SYNJ2: variants seen among roughly 807,000 people sequenced by gnomAD.
SYNJ2 encodes the protein synaptojanin 2.
In SYNJ2, 116 loss-of-function variants were observed where a neutral mutation model predicts 141.3. The ratio of observed to expected loss-of-function variants is 0.82; its 90% CI spans 0.71 to 0.96. The LOEUF (loss-of-function observed/expected upper bound fraction) is 0.96, where lower values mean the gene tolerates loss of function less well. Among genes scored for constraint, SYNJ2 ranks in the 40% least tolerant of loss-of-function variants. The probability of loss-of-function intolerance (pLI) is 0.00; values close to 1 mark genes in which losing one functional copy is unlikely to be tolerated. For synonymous variants in SYNJ2, 745 were observed against 777.7 expected, an observed-to-expected ratio of 0.96 and a Z score of 0.70; for missense variants, 1,873 against 1,934.8, an observed-to-expected ratio of 0.97 and a Z score of 0.60.
chr6:157,996,881 G>A (rs766674702), intron 1 of SYNJ2, among the ~76,000 whole-genome samples: 2 of 152,148 alleles, frequency 1.3e-5, no homozygotes, highest in Non-Finnish European at 2.9e-5. Flanking sequence ...CATGCTTCCC[G>A]TATAGCCTAC....
chr6:158,023,434 C>T (rs947669953), intron 2 of SYNJ2, among the ~76,000 whole-genome samples: 1 of 152,084 alleles, frequency 6.6e-6, no homozygotes, highest in Non-Finnish European at 1.5e-5. Context: ...CCCGGAGAGG[C>T]AGCGCTCCAC....
intron 23 of SYNJ2, 53 bp downstream of exon 23, chr6:158,087,042 C>G (rs1421639756): frequency 6.4e-7 from 1 of 1,567,720 alleles, no homozygotes; most frequent in East Asian, 2.3e-5. Context: ...AATAACCGCG[C>G]GTTCCCTGCT....
At chr6:158,087,542 A>C (rs1783136504) in intron 23 of SYNJ2, among the ~76,000 whole-genome samples, 1 of 152,176 alleles carries the variant, frequency 6.6e-6, no homozygotes, top group African/African-American at 2.4e-5. Context: ...CTGAAAGCAA[A>C]GCTGTGATGT....
chr6:158,038,172 G>C (rs377506737), intron 4 of SYNJ2, among the ~76,000 whole-genome samples: 1 of 152,162 alleles, frequency 6.6e-6, no homozygotes, highest in South Asian at 2.1e-4. Context: ...TCCCTTCCTT[G>C]TCTGGGCTGG....
intron 1 of SYNJ2, among the ~76,000 whole-genome samples, chr6:157,984,037 T>C (rs900628635): frequency 2.2e-4 from 33 of 152,238 alleles, no homozygotes; most frequent in African/African-American, 7.9e-4. Context: ...GGTCTTACTA[T>C]GTTGCCCATG....
intron 2 of SYNJ2, among the ~76,000 whole-genome samples, chr6:158,022,251 TG>T (rs943197983): frequency 2.0e-5 from 3 of 152,160 alleles, no homozygotes; most frequent in Non-Finnish European, 4.4e-5. Flanking sequence ...ATAGGATGGC[TG>T]GAGGGACCCC....
chr6:158,081,645 A>G (rs545151421), intron 20 of SYNJ2, 135 bp downstream of exon 20: 62 of 613,484 alleles, frequency 1.0e-4, no homozygotes, highest in East Asian at 6.4e-4. Context: ...TCTCTGAGAC[A>G]AAGTCTTGCT....
At position 158,062,076 on chromosome 6, in the gene SYNJ2, G is replaced by A; in HGVS notation, c.1039G>A (p.Glu347Lys). The A allele has an allele frequency of 6.2e-7, 1 of 1,614,204 alleles. No homozygotes were observed. Among genetic ancestry groups the A allele is most frequent in the South Asian group, 1.1e-5 (1 of 91,090 alleles). ...TCAGTTTGCCAAAGGTGGGAAGCTA[G>A]AGAAATTGGAGACCCTCTTGAGGCC... ...FHQFAKGGKL[E>K]KLETLLRPQL... Residue 347 changes from glutamate to lysine, a missense_variant, in exon 8 of 27, where the codon GAG becomes AAG. By Grantham distance (56) the Glu-to-Lys change is moderately conservative (BLOSUM62 1). Transcript: ENST00000355585.
At chr6:158,018,418 G>T (rs1190480941) in intron 2 of SYNJ2, among the ~76,000 whole-genome samples, 2 of 152,220 alleles carry the variant, frequency 1.3e-5, no homozygotes, top group Non-Finnish European at 2.9e-5. Context: ...GGGAATGGCT[G>T]TATGGGTTGT....
chr6:158,085,464 T>C (rs1782975467), intron 22 of SYNJ2, among the ~76,000 whole-genome samples: 1 of 152,002 alleles, frequency 6.6e-6, no homozygotes, highest in Non-Finnish European at 1.5e-5. Context: ...GAGCCCCGAG[T>C]TGGAGGACAG....
At chr6:158,004,732 ACT>A (rs941995239) in intron 1 of SYNJ2, among the ~76,000 whole-genome samples, 67 of 150,962 alleles carry the variant, frequency 4.4e-4, no homozygotes, top group African/African-American at 1.1e-3. Flanking sequence ...AGATCTAAGA[ACT>A]CTCTCTCGGG....
chr6:158,078,046 G>T, intron 17 of SYNJ2, 118 bp from the exon 18 acceptor site: 1 of 652,472 alleles, frequency 1.5e-6, no homozygotes, highest in Non-Finnish European at 2.7e-6. Flanking sequence ...TAAGGAGGAT[G>T]AGTCTGGGAC....
intron 1 of SYNJ2, among the ~76,000 whole-genome samples, chr6:157,987,208 A>C (rs1777239330): frequency 1.3e-5 from 2 of 152,018 alleles, no homozygotes; most frequent in African/African-American, 2.4e-5. Flanking sequence ...GCTGGTATCG[A>C]ACTCCTGACC....
rs375560899 is a variant in SYNJ2 at position 158,092,999 on chromosome 6, G to A, written c.3639G>A (p.Pro1213=). 9.8e-5 allele frequency: 158 copies of A among 1,612,262 alleles called. No individual in the cohort carries two copies. The highest frequency in any genetic ancestry group is 1.2e-4 in the Non-Finnish European group (141 of 1,179,422). ...CATCCTCTGAACCAGAGCCCACACC[G>A]GGGGCAGCCAAACCAGAGACCCCAC... ...LEASSEPEPT[P]GAAKPETPQA... Residue 1213 remains proline, a synonymous_variant, in exon 26 of 27, where the codon CCG becomes CCA. Transcript: ENST00000355585.
chr6:158,069,265 T>C (rs1781761621), intron 13 of SYNJ2, among the ~76,000 whole-genome samples: 1 of 152,000 alleles, frequency 6.6e-6, no homozygotes, highest in East Asian at 1.9e-4. Context: ...TCTGAACAAA[T>C]AAATAAGACT....
intron 4 of SYNJ2, among the ~76,000 whole-genome samples, chr6:158,036,268 G>A (rs1389059723): frequency 3.9e-5 from 6 of 152,222 alleles, no homozygotes; most frequent in African/African-American, 9.6e-5. Context: ...ACGCTCATAC[G>A]CTGTTGGTGG....
At chr6:158,051,712 C>T (rs975507757) in intron 5 of SYNJ2, among the ~76,000 whole-genome samples, 1 of 150,706 alleles carries the variant, frequency 6.6e-6, no homozygotes, top group Middle Eastern at 3.4e-3. Flanking sequence ...TTTGAGAGGC[C>T]GAGGTGGGTG....
At chr6:158,020,927 C>G (rs1276781949) in intron 2 of SYNJ2, among the ~76,000 whole-genome samples, 2 of 152,130 alleles carry the variant, frequency 1.3e-5, no homozygotes, top group Non-Finnish European at 2.9e-5. Context: ...TCATAAAAGC[C>G]TTTTTCCAGG....
At chr6:157,992,112 T>C (rs1777448046) in intron 1 of SYNJ2, among the ~76,000 whole-genome samples, 2 of 152,252 alleles carry the variant, frequency 1.3e-5, no homozygotes, top group East Asian at 1.9e-4. Flanking sequence ...CACACATTTA[T>C]CTTTTGTGTT....
Sources: allele counts gnomAD v4.1 joint callset (sites outside exome capture counted in the v4.1 genomes callset), GRCh38; gene constraint gnomAD v4.1.1; transcripts MANE v1.5; gene names NCBI Gene and HGNC (gene_info 2026-07-23, HGNC 2026-07-21).